Variants in ELL observed in about 807,000 individuals in gnomAD.
ELL encodes elongation factor for RNA polymerase II.
ELL carries 18 observed loss-of-function variants against 64.0 expected under a neutral mutation model. The observed-to-expected ratio is 0.28, with a 90% CI of 0.19 to 0.42. The LOEUF (loss-of-function observed/expected upper bound fraction) is 0.42, where lower values mean the gene tolerates loss of function less well. ELL is among the 10% of genes least tolerant of loss of function. The pLI is 1.00. For synonymous variants in ELL, 399 were observed against 376.2 expected, an observed-to-expected ratio of 1.06 and a Z score of -0.70; for missense variants, 797 against 870.4, an observed-to-expected ratio of 0.92 and a Z score of 1.06.
chr19:18,467,669 ACAC>A (rs1974971145), intron 2 of ELL, among the ~76,000 whole-genome samples: 3 of 91,382 alleles, frequency 3.3e-5, no homozygotes, highest in African/African-American at 1.7e-4. Context: ...ACACACACAC[ACAC>A]AAACACAACC....
intron 1 of ELL, among the ~76,000 whole-genome samples, chr19:18,507,771 G>A (rs193121452): frequency 1.2e-4 from 18 of 152,190 alleles, no homozygotes; most frequent in Admixed American, 3.9e-4. Flanking sequence ...GTGCCCCGCC[G>A]AACAACCACG....
chr19:18,454,490 T>C (rs367705311), intron 6 of ELL, among the ~76,000 whole-genome samples: 2 of 149,498 alleles, frequency 1.3e-5, no homozygotes, highest in South Asian at 2.1e-4. Flanking sequence ...CGAGCAAGAC[T>C]CCGTCTCAAA....
chr19:18,465,605 G>A (rs747742807), intron 3 of ELL, 30 bp from the exon 4 acceptor site: 41 of 1,560,548 alleles, frequency 2.6e-5, no homozygotes, highest in Non-Finnish European at 3.4e-5. Context: ...GCTGGGGTCA[G>A]CAGCTGGGAC....
intron 1 of ELL, among the ~76,000 whole-genome samples, chr19:18,509,593 G>GCACA (rs1428746063): frequency 1.1e-4 from 9 of 83,236 alleles, no homozygotes; most frequent in Non-Finnish European, 2.3e-4. Context: ...GCGCGCGCGC[G>GCACA]CACATACACA....
intron 1 of ELL, among the ~76,000 whole-genome samples, chr19:18,486,329 G>A (rs553091505): frequency 9.9e-5 from 15 of 152,190 alleles, no homozygotes; most frequent in Admixed American, 3.3e-4. Context: ...ACTCTGCCCC[G>A]TTTCTAACAG....
At position 18,465,555 on chromosome 19, in the gene ELL, T is replaced by A; in HGVS notation, c.326A>T (p.Asp109Val). 1 of 1,599,230 alleles carries A rather than the reference T, an allele frequency of 6.3e-7. No homozygotes were observed. The highest frequency in any genetic ancestry group is 2.3e-5 in the East Asian group (1 of 44,210). ...YVSSHGEVHL[D>V]CLGSIQDKIT... ...CTTGTCCTGTATGCTGCCCAGGCAGTCCAGGTGAACTTCCCCATGACTGCA... is the reference window on the plus strand; with the variant it reads ...CTTGTCCTGTATGCTGCCCAGGCAGACCAGGTGAACTTCCCCATGACTGCA... Residue 109 changes from aspartate (D) to valine (V), a missense_variant, in exon 4 of 12, where the codon GAC (aspartate) becomes GTC (valine). Asp to Val is a radical substitution (Grantham distance 152, BLOSUM62 -3). Coordinates refer to ENST00000262809, the MANE Select transcript of ELL (RefSeq NM_006532.4).
At chr19:18,516,612 G>C (rs780257468) in intron 1 of ELL, among the ~76,000 whole-genome samples, 2 of 152,002 alleles carry the variant, frequency 1.3e-5, no homozygotes, top group African/African-American at 2.4e-5. Flanking sequence ...GGTTAGATGA[G>C]TGATCTGGAG....
At chr19:18,447,923 T>C (rs1328465694) in intron 8 of ELL, among the ~76,000 whole-genome samples, 1 of 151,956 alleles carries the variant, frequency 6.6e-6, no homozygotes, top group East Asian at 1.9e-4. Context: ...TAGGTGAGAC[T>C]ACAGGCATAT....
Position 18,446,674 on chromosome 19 carries a change from C to T in ELL, c.1532+74G>A, listed in dbSNP as rs986993496. The T allele has an allele frequency of 4.4e-6, 7 of 1,576,178 alleles. No homozygotes were observed. The Admixed American group carries it at 1.1e-4, about 24-fold the overall frequency. ...TTGCAGTGGCTTCTACCTCTGATAACCTGCAGTGCTGGGGGAGGGGGTCTG... is the reference window on the plus strand; with the variant it reads ...TTGCAGTGGCTTCTACCTCTGATAATCTGCAGTGCTGGGGGAGGGGGTCTG... On this transcript the variant is annotated intron_variant, in intron 9 of 11. Coordinates refer to ENST00000262809, the MANE Select transcript of ELL (RefSeq NM_006532.4).
chr19:18,460,842 G>C (rs1418608926), intron 5 of ELL, among the ~76,000 whole-genome samples: 4 of 152,148 alleles, frequency 2.6e-5, no homozygotes, highest in African/African-American at 9.7e-5. Flanking sequence ...GCGATCCGAG[G>C]AGACCCATCC....
intron 1 of ELL, among the ~76,000 whole-genome samples, chr19:18,509,593 GCACATACACACACACA>G (rs1479730631): frequency 0.025 from 2,098 of 83,234 alleles, 118 homozygotes; most frequent in African/African-American, 0.037. Context: ...GCGCGCGCGC[GCACATACACACACACA>G]CACACACACA....
chr19:18,514,513 CAAAAAAAA>C (rs557236460), intron 1 of ELL, among the ~76,000 whole-genome samples: 1 of 39,328 alleles, frequency 2.5e-5, no homozygotes, highest in African/African-American at 8.6e-5. Flanking sequence ...GACTCCATCT[CAAAAAAAA>C]AAAAAAAAAA....
At chr19:18,483,322 T>C (rs1320739775) in intron 1 of ELL, among the ~76,000 whole-genome samples, 1 of 152,204 alleles carries the variant, frequency 6.6e-6, no homozygotes, top group Non-Finnish European at 1.5e-5. Flanking sequence ...TGCAGGGTTT[T>C]TGGACACTAT....
chr19:18,455,422 G>A (rs555296711), intron 6 of ELL, among the ~76,000 whole-genome samples: 9 of 150,936 alleles, frequency 6.0e-5, no homozygotes, highest in African/African-American at 1.2e-4. Context: ...CCCAGGAGGC[G>A]GAGGTTGCAG....
At chr19:18,509,825 G>GC (rs1975978583) in intron 1 of ELL, among the ~76,000 whole-genome samples, 2 of 152,168 alleles carry the variant, frequency 1.3e-5, no homozygotes, top group South Asian at 2.1e-4. Context: ...CCCAGCCAGT[G>GC]CCCCCCAGTG....
intron 1 of ELL, 116 bp downstream of exon 1, chr19:18,521,805 C>G: frequency 7.3e-7 from 1 of 1,377,178 alleles, no homozygotes. Context: ...CCCAGGGACC[C>G]GCGAGCAGCA....
intron 1 of ELL, among the ~76,000 whole-genome samples, chr19:18,485,699 G>C (rs777723215): frequency 2.0e-5 from 3 of 152,146 alleles, no homozygotes; most frequent in African/African-American, 4.8e-5. Context: ...GGAAAGCTAC[G>C]GGGATGGGCC....
At chr19:18,474,580 C>A (rs1975138159) in intron 1 of ELL, among the ~76,000 whole-genome samples, 1 of 152,256 alleles carries the variant, frequency 6.6e-6, no homozygotes, top group South Asian at 2.1e-4. Context: ...GCGCAAGCCA[C>A]CACTGTCCAT....
intron 1 of ELL, among the ~76,000 whole-genome samples, chr19:18,481,350 T>C (rs1975296175): frequency 6.6e-6 from 1 of 152,170 alleles, no homozygotes. Context: ...GTTAGCAGGC[T>C]CCCTCCTTTT....
Sources: gnomAD v4.1 joint callset for allele counts (sites outside exome capture counted in the v4.1 genomes callset) on GRCh38, gnomAD v4.1.1 for gene constraint, MANE v1.5 for transcripts, NCBI Gene and HGNC (gene_info 2026-07-23, HGNC 2026-07-21) for gene names.